Variants in FER1L6 observed in about 807,000 individuals in gnomAD.
FER1L6 encodes the protein fer-1 like family member 6, also known as fer-1-like protein 6.
In FER1L6, 177 loss-of-function variants were observed where a neutral mutation model predicts 219.2. That is an observed-to-expected ratio of 0.81 (90% CI 0.71 to 0.91). FER1L6 has a LOEUF of 0.91. Ranked by LOEUF, FER1L6 falls within the 40% of genes least tolerant of loss-of-function variation. FER1L6 has a pLI of 0.00. For missense variants in FER1L6, 2,153 were observed against 2,259.9 expected, an observed-to-expected ratio of 0.95 and a Z score of 0.96; for synonymous variants, 768 against 824.3, an observed-to-expected ratio of 0.93 and a Z score of 1.17.
At chr8:123,988,926 GT>G (rs1408458890) in intron 12 of FER1L6, among the ~76,000 whole-genome samples, 1 of 151,820 alleles carries the variant, frequency 6.6e-6, no homozygotes, top group Non-Finnish European at 1.5e-5. Context: ...AAGGCTTTCA[GT>G]TTTTTTTCCA....
At chr8:124,113,385 G>A (rs867090920) in intron 39 of FER1L6, among the ~76,000 whole-genome samples, 14 of 152,180 alleles carry the variant, frequency 9.2e-5, no homozygotes, top group Middle Eastern at 3.4e-3. Context: ...AACAATTTAA[G>A]CTGTAGACAT....
intron 1 of FER1L6, among the ~76,000 whole-genome samples, chr8:123,890,368 G>A (rs564845328): frequency 2.0e-4 from 30 of 151,844 alleles, no homozygotes; most frequent in Admixed American, 9.2e-4. Flanking sequence ...GAAAAACTGG[G>A]GGTTGGTTTC....
At chr8:123,967,029 C>A (rs1815572051) in intron 5 of FER1L6, among the ~76,000 whole-genome samples, 2 of 150,174 alleles carry the variant, frequency 1.3e-5, no homozygotes, top group Non-Finnish European at 2.9e-5. Context: ...TTTCAGTGAG[C>A]CGAGATCGTG....
At chr8:124,089,213 G>A (rs1821913930) in intron 33 of FER1L6, among the ~76,000 whole-genome samples, 1 of 152,212 alleles carries the variant, frequency 6.6e-6, no homozygotes, top group African/African-American at 2.4e-5. Context: ...AGCTAGGGCT[G>A]GTCTAAATGC....
chr8:124,063,042 C>A (rs908186937), intron 25 of FER1L6, among the ~76,000 whole-genome samples: 3 of 152,152 alleles, frequency 2.0e-5, no homozygotes, highest in African/African-American at 4.8e-5. Context: ...TTTATTTTAA[C>A]TTGTATTTCT....
At chr8:123,898,767 ATG>A (rs1426734712) in intron 1 of FER1L6, among the ~76,000 whole-genome samples, 5 of 145,732 alleles carry the variant, frequency 3.4e-5, no homozygotes, top group African/African-American at 1.0e-4. Flanking sequence ...ACACATATAT[ATG>A]TGTATATATA....
chr8:124,056,453 T>G (rs1421008564), intron 22 of FER1L6, among the ~76,000 whole-genome samples: 1 of 152,266 alleles, frequency 6.6e-6, no homozygotes, highest in Non-Finnish European at 1.5e-5. Flanking sequence ...TCTAATTTTT[T>G]CATTTGTTTT....
At chr8:123,988,368 T>G (rs1262646165) in intron 12 of FER1L6, among the ~76,000 whole-genome samples, 1 of 152,230 alleles carries the variant, frequency 6.6e-6, no homozygotes, top group Non-Finnish European at 1.5e-5. Context: ...AAGAATGTCA[T>G]TGGTATTTTG....
At chr8:123,977,120 A>T (rs16899163) in intron 9 of FER1L6, among the ~76,000 whole-genome samples, 1 of 152,114 alleles carries the variant, frequency 6.6e-6, no homozygotes, top group Admixed American at 6.5e-5. Context: ...ATATGAGCTC[A>T]TGGTCTAACT....
At chr8:123,856,316 G>GTGTGTATATATA (rs71576706) in intron 1 of FER1L6, among the ~76,000 whole-genome samples, 1 of 45,112 alleles carries the variant, frequency 2.2e-5, no homozygotes, top group African/African-American at 8.7e-5. Context: ...ATATGTATGT[G>GTGTGTATATATA]TATATATATA....
At chr8:123,954,520 G>A (rs1814925769) in intron 1 of FER1L6, among the ~76,000 whole-genome samples, 1 of 152,158 alleles carries the variant, frequency 6.6e-6, no homozygotes, top group Non-Finnish European at 1.5e-5. Context: ...CTATCTCCTA[G>A]AGCCTTCCAC....
At chr8:123,858,586 A>G (rs1233064099) in intron 1 of FER1L6, among the ~76,000 whole-genome samples, 1 of 152,236 alleles carries the variant, frequency 6.6e-6, no homozygotes, top group Non-Finnish European at 1.5e-5. Context: ...GTGGAAGATC[A>G]GATGCAAGGG....
intron 21 of FER1L6, among the ~76,000 whole-genome samples, chr8:124,048,104 A>G (rs1742124623): frequency 6.6e-6 from 1 of 152,176 alleles, no homozygotes; most frequent in Non-Finnish European, 1.5e-5. Flanking sequence ...GTCTGTCTCC[A>G]CTAGTGGACA....
In FER1L6 at chr8:124,094,879, G is replaced by T; in HGVS notation, c.4553-17G>T. 2.5e-6 allele frequency: 4 copies of T among 1,613,822 alleles called. No homozygotes were observed. Among genetic ancestry groups the T allele is most frequent in the Non-Finnish European group, 3.4e-6 (4 of 1,179,774 alleles). On this transcript the variant is annotated splice_polypyrimidine_tract_variant and intron_variant, in intron 34 of 40. Transcript: ENST00000522917. ...GCAGGAACACACATCTGACAAGTTTGTCTTTCTTTCCTGCAGATGAGACAG... is the reference window on the plus strand; with the variant it reads ...GCAGGAACACACATCTGACAAGTTTTTCTTTCTTTCCTGCAGATGAGACAG...
intron 1 of FER1L6, among the ~76,000 whole-genome samples, chr8:123,950,589 T>C (rs1452852741): frequency 6.6e-6 from 1 of 152,178 alleles, no homozygotes; most frequent in African/African-American, 2.4e-5. Context: ...TTAGCATCCT[T>C]GGAGGTGTAT....
intron 31 of FER1L6, among the ~76,000 whole-genome samples, chr8:124,073,883 T>C (rs1821175530): frequency 6.6e-6 from 1 of 152,212 alleles, no homozygotes; most frequent in Non-Finnish European, 1.5e-5. Flanking sequence ...TAAAATTGGC[T>C]GATGTGACAA....
chr8:124,069,729 C>T (rs1170213853), intron 29 of FER1L6, among the ~76,000 whole-genome samples: 1 of 152,186 alleles, frequency 6.6e-6, no homozygotes, highest in Non-Finnish European at 1.5e-5. Context: ...AAGTAATCTA[C>T]AGCATTTGAG....
chr8:124,068,918 G>A (rs1191176086), intron 28 of FER1L6, among the ~76,000 whole-genome samples: 1 of 151,926 alleles, frequency 6.6e-6, no homozygotes, highest in African/African-American at 2.4e-5. Context: ...TAAAAAGAAG[G>A]GTCACAAGTT....
chr8:124,103,128 A>C lies in FER1L6; in HGVS notation c.5126-18A>C, dbSNP rs1822614625. 6.2e-7 allele frequency: 1 copy of C among 1,610,070 alleles called. No homozygotes were observed. On this transcript the variant is annotated intron_variant, in intron 38 of 40. Transcript: ENST00000522917. ...TTTAGAAAATGCTTCCCTAACTGTT[A>C]GGGTCATCTCTCCACAGGCACCCTG...
Sources: gnomAD v4.1 joint callset for allele counts (sites outside exome capture counted in the v4.1 genomes callset) on GRCh38, gnomAD v4.1.1 for gene constraint, MANE v1.5 for transcripts, NCBI Gene and HGNC (gene_info 2026-07-23, HGNC 2026-07-21) for gene names.